The following TGIF1 variants were observed in gnomAD, a reference collection of about 807,000 sequenced individuals.
TGIF1 encodes homeobox protein TGIF1.
In TGIF1, 4 loss-of-function variants were observed where a neutral mutation model predicts 19.3. That is an observed-to-expected ratio of 0.21 (90% confidence interval 0.10 to 0.47). The LOEUF is 0.47. Among genes scored for constraint, TGIF1 ranks in the 20% least tolerant of loss-of-function variants. TGIF1 has a pLI of 0.98. For missense variants in TGIF1, 275 were observed against 341.4 expected (o/e 0.81, Z 1.53); for synonymous variants, 122 against 129.3 (o/e 0.94, Z 0.38).
At chr18:3,449,683 C>A (rs2082838201), upstream of TGIF1, 2 of 985,474 alleles carry the variant, frequency 2.0e-6, no homozygotes, top group Middle Eastern at 1.0e-3. Flanking sequence ...AATACTTTTC[C>A]TCCCGTGCCC....
chr18:3,430,754 C>T (rs1233032797), intron 2 of TGIF1, among the ~76,000 whole-genome samples: 6 of 151,624 alleles, frequency 4.0e-5, no homozygotes, highest in African/African-American at 1.5e-4. Context: ...TCAGCTTATC[C>T]TCCTGCCTCA....
At chr18:3,449,400 GA>G (rs2143289688), upstream of TGIF1, 1 of 985,466 alleles carries the variant, frequency 1.0e-6, no homozygotes, top group East Asian at 1.1e-4. Context: ...TCCCCGGGCA[GA>G]GACGTTTAAA....
chr18:3,419,467 G>A (rs1351412301), intron 2 of TGIF1, among the ~76,000 whole-genome samples: 3 of 152,166 alleles, frequency 2.0e-5, no homozygotes, highest in African/African-American at 7.2e-5. Context: ...CTTGTATTAG[G>A]TCAGGAGAAT....
chr18:3,447,521 G>C, upstream of TGIF1: 1 of 638,102 alleles, frequency 1.6e-6, no homozygotes, highest in Non-Finnish European at 2.8e-6. Flanking sequence ...ACTTTTTTGA[G>C]GCTGTTCCCT....
intron 2 of TGIF1, among the ~76,000 whole-genome samples, chr18:3,428,228 G>A (rs1317862474): frequency 2.0e-5 from 3 of 152,106 alleles, no homozygotes; most frequent in Non-Finnish European, 4.4e-5. Flanking sequence ...ATAAAAATTG[G>A]TAATTTTGTC....
intron 2 of TGIF1, among the ~76,000 whole-genome samples, chr18:3,431,887 T>C (rs1049456272): frequency 4.6e-5 from 7 of 152,088 alleles, no homozygotes; most frequent in African/African-American, 1.7e-4. Flanking sequence ...TCCCAGCTCT[T>C]TGGGAGGCTG....
At chr18:3,448,093 A>T, upstream of TGIF1, 5 of 949,074 alleles carry the variant, frequency 5.3e-6, no homozygotes, top group Non-Finnish European at 6.1e-6. Context: ...GGTAGGGTTA[A>T]ACCGACCGAA....
chr18:3,416,537 T>G (rs1478976306), intron 1 of TGIF1, among the ~76,000 whole-genome samples: 1 of 151,392 alleles, frequency 6.6e-6, no homozygotes, highest in African/African-American at 2.4e-5. Context: ...GAAAAGCATT[T>G]GCAGGCTCTC....
chr18:3,453,102 T>A (rs2083036604), intron 1 of TGIF1, among the ~76,000 whole-genome samples: 1 of 151,922 alleles, frequency 6.6e-6, no homozygotes, highest in South Asian at 2.1e-4. Flanking sequence ...GATACTGATT[T>A]TTTTTTTCTT....
At chr18:3,424,109 A>C (rs1003655871) in intron 2 of TGIF1, among the ~76,000 whole-genome samples, 1 of 152,220 alleles carries the variant, frequency 6.6e-6, no homozygotes, top group Non-Finnish European at 1.5e-5. Flanking sequence ...ATGTGAGAGC[A>C]ACTCAAGCTG....
chr18:3,450,892 T>C (rs934251271), intron 1 of TGIF1, among the ~76,000 whole-genome samples: 2 of 151,940 alleles, frequency 1.3e-5, no homozygotes, highest in Non-Finnish European at 2.9e-5. Context: ...CCCCTCGTTT[T>C]TCCCGATCCG....
At chr18:3,425,700 G>A (rs2058341588) in intron 2 of TGIF1, among the ~76,000 whole-genome samples, 1 of 152,008 alleles carries the variant, frequency 6.6e-6, no homozygotes, top group African/African-American at 2.4e-5. Context: ...CTAGCCTCCT[G>A]CCTACCAAAC....
upstream of TGIF1, among the ~76,000 whole-genome samples, chr18:3,445,752 A>AAAAAG (rs1568041600): frequency 1.2e-4 from 14 of 114,996 alleles, no homozygotes; most frequent in African/African-American, 4.6e-4. Flanking sequence ...AAAAAAAAAA[A>AAAAAG]AGAGAAGAAA....
chr18:3,450,460 C>T lies in TGIF1; in HGVS notation c.-30C>T, dbSNP rs1489975323. On this transcript the variant is annotated 5_prime_UTR_variant, in exon 1 of 3. Coordinates refer to ENST00000343820, the MANE Select transcript of TGIF1 (RefSeq NM_003244.4). ...GCTCCTGGCCCCTCCAGACCCCCGC[C>T]TTGCCTCGCGCTGGGAGGGGAGATC... The T allele has an allele frequency of 6.4e-7, 1 of 1,555,454 alleles. No individual in the cohort carries two copies. The highest frequency in any genetic ancestry group is 2.4e-5 in the East Asian group (1 of 41,108).
chr18:3,435,199 AT>A (rs1005126000), intron 2 of TGIF1, among the ~76,000 whole-genome samples: 4 of 150,490 alleles, frequency 2.7e-5, no homozygotes, highest in Middle Eastern at 3.4e-3. Context: ...CCCTATATAT[AT>A]TTTTTTTTTT....
Position 3,457,313 on chromosome 18 carries a change from C to T in TGIF1, c.244-52C>T. ...GTACCCCATAGAACATTCTCAGAAC[C>T]CGTTGGCTGAGTGAATGAGGAAAAT... is the stretch of plus-strand genomic sequence containing the variant. On this transcript the variant is annotated intron_variant, in intron 2 of 2. Transcript: ENST00000343820. The surrounding 1 kb of genome is among the most constrained non-coding windows in gnomAD (Gnocchi z 4.9). The T allele has an allele frequency of 6.3e-7, 1 of 1,584,120 alleles. No homozygotes were observed. The highest frequency in any genetic ancestry group is 2.2e-5 in the East Asian group (1 of 44,690).
At chr18:3,433,712 C>T (rs1404995152) in intron 2 of TGIF1, among the ~76,000 whole-genome samples, 1 of 152,148 alleles carries the variant, frequency 6.6e-6, no homozygotes, top group African/African-American at 2.4e-5. Flanking sequence ...TGCTCCATCA[C>T]CCAGTCTGGA....
At chr18:3,447,940 A>T, upstream of TGIF1, 5 of 1,438,074 alleles carry the variant, frequency 3.5e-6, no homozygotes, top group Non-Finnish European at 4.8e-6. Flanking sequence ...GTTGCCTGAG[A>T]ATCGCAGTCA....
chr18:3,454,797 ATC>A (rs1279725810), intron 1 of TGIF1, among the ~76,000 whole-genome samples: 3 of 152,234 alleles, frequency 2.0e-5, no homozygotes, highest in Non-Finnish European at 4.4e-5. Flanking sequence ...AATTTGCAAG[ATC>A]ATCCACCTCT....
Sources: allele counts gnomAD v4.1 joint callset (sites outside exome capture counted in the v4.1 genomes callset), GRCh38; gene constraint gnomAD v4.1.1; non-coding constraint Gnocchi (gnomAD v3.1); transcripts MANE v1.5; gene names NCBI Gene and HGNC (gene_info 2026-07-23, HGNC 2026-07-21).